The following ZNF486 variants were observed in gnomAD, a reference collection of about 807,000 sequenced individuals.
The protein encoded by ZNF486 is KRAB box only protein 2.
In ZNF486, 12 loss-of-function variants were observed where a neutral mutation model predicts 12.8. The ratio of observed to expected loss-of-function variants is 0.94; its 90% confidence interval spans 0.60 to 1.52. The LOEUF (loss-of-function observed/expected upper bound fraction) is 1.52. ZNF486 is among the 40% of genes most tolerant of loss of function. The pLI is 0.00. For synonymous variants in ZNF486, 231 were observed against 184.9 expected, an observed-to-expected ratio of 1.25 and a Z score of -2.02; for missense variants, 738 against 545.0, an observed-to-expected ratio of 1.35 and a Z score of -3.53.
rs554584118 is a variant in ZNF486, at chr19:20,196,932, T to C, written c.254-32T>C. On this transcript the variant is annotated intron_variant, in intron 3 of 3. Transcript: ENST00000335117. ...AAGTATATTTATCTGAGTCTAGCAA[T>C]TGAAGTAATGTGTTTTTATTGTTTC... The C allele has an allele frequency of 2.8e-5, 42 of 1,514,680 alleles. No individual in the cohort carries two copies. In the East Asian group the frequency reaches 8.6e-4, roughly 31 times the overall value. The allele number at this position is 1,514,680 out of a possible 1,614,324, so 93.8% of individuals were successfully genotyped here. A position where few individuals can be genotyped will look rare whatever the true frequency, so the allele number is the denominator to read the frequency against.
chr19:20,168,703 C>A (rs1344402206), intron 1 of ZNF486, among the ~76,000 whole-genome samples: 1 of 151,470 alleles, frequency 6.6e-6, no homozygotes, highest in Non-Finnish European at 1.5e-5. Context: ...TTTATGTAAA[C>A]ACTGTTTGAG....
intron 1 of ZNF486, among the ~76,000 whole-genome samples, chr19:20,173,172 T>A (rs1555714170): frequency 2.0e-5 from 3 of 152,226 alleles, no homozygotes. Context: ...TCCTAGGTTA[T>A]CTTGCAGGGT....
chr19:20,183,284 T>A (rs1265302382), intron 1 of ZNF486, among the ~76,000 whole-genome samples: 1 of 152,198 alleles, frequency 6.6e-6, no homozygotes, highest in Non-Finnish European at 1.5e-5. Context: ...GAAGAACATG[T>A]AATGTTGAGG....
At chr19:20,187,963 C>T (rs562383769) in intron 3 of ZNF486, among the ~76,000 whole-genome samples, 3 of 152,034 alleles carry the variant, frequency 2.0e-5, no homozygotes, top group African/African-American at 7.2e-5. Context: ...GTTACAGGGG[C>T]TTGGGTAGTT....
intron 1 of ZNF486, among the ~76,000 whole-genome samples, chr19:20,175,487 A>G (rs2089697524): frequency 6.6e-6 from 1 of 151,386 alleles, no homozygotes; most frequent in South Asian, 2.1e-4. Context: ...GGCCTTCCGC[A>G]GTGTTTGTGT....
chr19:20,179,104 C>CA (rs1307615992), intron 1 of ZNF486, among the ~76,000 whole-genome samples: 1 of 152,176 alleles, frequency 6.6e-6, no homozygotes, highest in Non-Finnish European at 1.5e-5. Context: ...TTATCAAACT[C>CA]AGAGACATGT....
chr19:20,199,050 G>T lies in ZNF486; in HGVS notation c.*948G>T, dbSNP rs1207136266. On this transcript the variant is annotated 3_prime_UTR_variant, in exon 4 of 4. Coordinates refer to ENST00000335117, the MANE Select transcript of ZNF486 (RefSeq NM_052852.4). ...AAATACCTACAAGTATGAAGAATGT[G>T]GCAAAACTTTTAATCAGTGCTTACA... 2 of 152,090 alleles carry T rather than the reference G, an allele frequency of 1.3e-5. No individual in the cohort carries two copies. The highest frequency in any genetic ancestry group is 4.8e-5 in the African/African-American group (2 of 41,400). 9.4% of individuals were successfully genotyped at this position (152,090 alleles called of 1,614,324 possible).
At chr19:20,175,478 G>C (rs1555714572) in intron 1 of ZNF486, 1 of 154,206 alleles carries the variant, frequency 6.5e-6, no homozygotes, top group African/African-American at 2.4e-5. Context: ...GGACCCTGCG[G>C]CCTTCCGCAG....
At chr19:20,182,493 G>A (rs1555715733) in intron 1 of ZNF486, among the ~76,000 whole-genome samples, 1 of 152,190 alleles carries the variant, frequency 6.6e-6, no homozygotes, top group African/African-American at 2.4e-5. Flanking sequence ...TGACTCTAAG[G>A]TGAGGCCAGA....
chr19:20,181,426 C>T (rs1435211593), intron 1 of ZNF486, among the ~76,000 whole-genome samples: 11 of 151,742 alleles, frequency 7.2e-5, no homozygotes, highest in Non-Finnish European at 1.2e-4. Flanking sequence ...GTAGTCCCAG[C>T]TACTGAGGAG....
At chr19:20,177,821 C>T (rs899054649) in intron 1 of ZNF486, among the ~76,000 whole-genome samples, 4 of 152,104 alleles carry the variant, frequency 2.6e-5, no homozygotes, top group Non-Finnish European at 4.4e-5. Context: ...GGTGATCCAC[C>T]CGCCTCGGCC....
chr19:20,197,419 C>A lies in ZNF486; in HGVS notation c.709C>A (p.Pro237Thr). 3 of 1,613,578 alleles carry A rather than the reference C, an allele frequency of 1.9e-6. No individual in the cohort carries two copies. Among genetic ancestry groups the A allele is most frequent in the Non-Finnish European group, 2.5e-6 (3 of 1,179,760 alleles). ...THKITHTREK[P>T]YKCEECGKVF... ...TAAGATAACTCATACTAGAGAGAAACCCTACAAATGTGAAGAATGTGGCAA... is the reference window on the plus strand; with the variant it reads ...TAAGATAACTCATACTAGAGAGAAAACCTACAAATGTGAAGAATGTGGCAA... Residue 237 changes from proline to threonine, a missense_variant, in exon 4 of 4, where the codon CCC (proline) becomes ACC (threonine). Coordinates refer to ENST00000335117, the MANE Select transcript of ZNF486 (RefSeq NM_052852.4).
At chr19:20,169,737 AG>A (rs1468148641) in intron 1 of ZNF486, among the ~76,000 whole-genome samples, 1 of 152,026 alleles carries the variant, frequency 6.6e-6, no homozygotes, top group Non-Finnish European at 1.5e-5. Context: ...TAGGCAGAAA[AG>A]GGCTTTTTTC....
At chr19:20,176,248 C>T in intron 1 of ZNF486, 2 of 195,238 alleles carry the variant, frequency 1.0e-5, no homozygotes, top group Non-Finnish European at 2.1e-5. Flanking sequence ...CAGAGACGCT[C>T]CTTGCTTCCT....
rs2089966400 is a variant in ZNF486 at position 20,197,123 on chromosome 19, G to T, written c.413G>T (p.Gly138Val). 5.0e-6 allele frequency: 8 copies of T among 1,613,692 alleles called. No individual in the cohort carries two copies. The highest frequency in any genetic ancestry group is 1.3e-5 in the African/African-American group (1 of 74,878). Residue 138 changes from glycine to valine, a missense_variant, in exon 4 of 4, where the codon GGT (glycine) becomes GTT (valine). Transcript: ENST00000335117. ...SVDECKLHKR[G>V]YNGLNQCLTT... is the part of the protein sequence containing the mutation. ...GATGAGTGTAAGTTACACAAAAGAG[G>T]TTATAATGGACTTAACCAATGTTTG... is the stretch of plus-strand genomic sequence containing the variant.
chr19:20,187,228 T>C (rs1400931497), intron 3 of ZNF486, among the ~76,000 whole-genome samples: 1 of 152,154 alleles, frequency 6.6e-6, no homozygotes, highest in Admixed American at 6.5e-5. Context: ...TACACTTGTA[T>C]GTTAATTTTA....
intron 1 of ZNF486, among the ~76,000 whole-genome samples, chr19:20,169,318 A>G (rs1347277137): frequency 6.6e-6 from 1 of 152,162 alleles, no homozygotes; most frequent in Non-Finnish European, 1.5e-5. Context: ...CATGTTGGTC[A>G]GGCTGGTCTC....
At chr19:20,185,924 C>A in intron 2 of ZNF486, 63 bp from the exon 3 acceptor site, 1 of 1,021,996 alleles carries the variant, frequency 9.8e-7, no homozygotes, top group Non-Finnish European at 1.4e-6. Context: ...CTGCTGAGCA[C>A]ATTACTAGCT....
At chr19:20,172,049 G>A (rs2089653915) in intron 1 of ZNF486, among the ~76,000 whole-genome samples, 1 of 151,482 alleles carries the variant, frequency 6.6e-6, no homozygotes, top group African/African-American at 2.4e-5. Context: ...TTGTTGTCCA[G>A]GCTGGAGTGC....
Sources: gnomAD v4.1 joint callset for allele counts (sites outside exome capture counted in the v4.1 genomes callset) on GRCh38, gnomAD v4.1.1 for gene constraint, MANE v1.5 for transcripts, NCBI Gene and HGNC (gene_info 2026-07-23, HGNC 2026-07-21) for gene names.